The following CARS2 variants were observed in gnomAD, a reference collection of about 807,000 sequenced individuals.
CARS2 encodes probable cysteine--tRNA ligase, mitochondrial.
In CARS2, 52 loss-of-function variants were observed where a neutral mutation model predicts 68.8. The observed-to-expected ratio is 0.76, with a 90% CI of 0.61 to 0.95. The LOEUF (loss-of-function observed/expected upper bound fraction) is 0.95. Among genes scored for constraint, CARS2 ranks in the 40% least tolerant of loss-of-function variants. The pLI is 0.00. For missense variants in CARS2, 780 were observed against 754.2 expected, an observed-to-expected ratio of 1.03 and a Z score of -0.40; for synonymous variants, 314 against 303.6, an observed-to-expected ratio of 1.03 and a Z score of -0.36.
rs116135622 is a variant in CARS2, at chr13:110,675,745, C to T, written c.785+1229G>A. ...CATTTCTACAAATAGGAAACATACG[C>T]GTGGTTATTCACTAAGGAGATCTGT... is the stretch of plus-strand genomic sequence containing the variant. On this transcript the variant is annotated intron_variant, in intron 7 of 14. Coordinates refer to ENST00000257347, the MANE Select transcript of CARS2 (RefSeq NM_024537.4). Among the ~76,000 whole-genome samples the T allele has an allele frequency of 6.2e-3, 943 of 152,172 alleles. 8 individuals carry two copies. The highest frequency in any genetic ancestry group is 0.021 in the African/African-American group (870 of 41,508).
chr13:110,647,940 G>C (rs1056606670), intron 10 of CARS2, among the ~76,000 whole-genome samples: 24 of 152,238 alleles, frequency 1.6e-4, no homozygotes, highest in African/African-American at 5.8e-4. Context: ...CAGGCTGTCT[G>C]AGTCCACAGT....
intron 14 of CARS2, 144 bp from the exon 15 acceptor site, chr13:110,641,752 C>T: frequency 2.8e-6 from 2 of 714,654 alleles, no homozygotes; most frequent in Non-Finnish European, 5.0e-6. Flanking sequence ...AAGGGCCCCA[C>T]TACCTCCAGC....
At chr13:110,666,323 G>A (rs2062646891) in intron 8 of CARS2, 2 of 985,258 alleles carry the variant, frequency 2.0e-6, no homozygotes, top group Non-Finnish European at 2.4e-6. Flanking sequence ...CTAGTGCTGA[G>A]CCCTCCCCAG....
Position 110,653,817 on chromosome 13 carries a change from G to A in CARS2, c.988-2717C>T, listed in dbSNP as rs1441388186. ...CTTCATTACACAGTATTCTGACAAT[G>A]ATGTGAAAACTCTTGAATACTGTGG... On this transcript the variant is annotated intron_variant, in intron 9 of 14. Coordinates refer to ENST00000257347, the MANE Select transcript of CARS2 (RefSeq NM_024537.4). This position sits in a 1 kb window ranked among gnomAD's most constrained non-coding sequence, Gnocchi z 5.6. Among the ~76,000 whole-genome samples the A allele has an allele frequency of 1.3e-5, 2 of 152,242 alleles. No homozygotes were observed. Among genetic ancestry groups the A allele is most frequent in the African/African-American group, 2.4e-5 (1 of 41,466 alleles).
At position 110,647,233 on chromosome 13, in the gene CARS2, T is replaced by G; in HGVS notation, c.1061A>C (p.Asp354Ala). 6 of 1,612,478 alleles carry G rather than the reference T, an allele frequency of 3.7e-6. No individual in the cohort carries two copies. Among genetic ancestry groups the G allele is most frequent in the Non-Finnish European group, 5.1e-6 (6 of 1,179,294 alleles). ...TTGGAGCATGGCGCTGTCACTGTAG[T>G]CGATGGCTGAGGAGGAAGAGATGGT... ...CLRSSYRSAIDYSDSAMLQAQ... is the reference protein window; with the variant it reads ...CLRSSYRSAIAYSDSAMLQAQ... Residue 354 changes from aspartate (D) to alanine (A), a missense_variant, in exon 11 of 15, where the codon GAC (aspartate) becomes GCC (alanine). Coordinates refer to ENST00000257347, the MANE Select transcript of CARS2 (RefSeq NM_024537.4).
rs753691013 is a variant in CARS2 at position 110,653,084 on chromosome 13, C to T, written c.988-1984G>A. ...CGCTCCTCTACTTCAGTATCATCAA[C>T]GGCCTTTGGGATCCTATGTATTTTA... is the stretch of plus-strand genomic sequence containing the variant. On this transcript the variant is annotated intron_variant, in intron 9 of 14. Transcript: ENST00000257347. This position sits in a 1 kb window ranked among gnomAD's most constrained non-coding sequence, Gnocchi z 5.6. Among the ~76,000 whole-genome samples the T allele has an allele frequency of 8.6e-5, 13 of 151,136 alleles. No homozygotes were observed. The highest frequency in any genetic ancestry group is 2.0e-4 in the East Asian group (1 of 5,056).
At chr13:110,649,523 A>C (rs183433213) in intron 10 of CARS2, among the ~76,000 whole-genome samples, 1 of 152,326 alleles carries the variant, frequency 6.6e-6, no homozygotes, top group African/African-American at 2.4e-5. Context: ...TGTGTGACAT[A>C]AAGTGTGCTG....
intron 6 of CARS2, among the ~76,000 whole-genome samples, chr13:110,679,609 G>C (rs1243586408): frequency 7.4e-6 from 1 of 135,706 alleles, no homozygotes; most frequent in African/African-American, 2.7e-5. Context: ...GAGAGAGAGA[G>C]AGAGAGAGAG....
chr13:110,706,241 C>T (rs542979511), upstream of CARS2: 1,517 of 509,010 alleles, frequency 3.0e-3, 32 homozygotes, highest in African/African-American at 0.028. Context: ...GTAGCGCCTC[C>T]CTTTGGCCTG....
chr13:110,713,086 T>A (rs1467440246), intron 1 of CARS2: 11 of 1,440,900 alleles, frequency 7.6e-6, no homozygotes, highest in Non-Finnish European at 1.0e-5. Flanking sequence ...TCCTTCCGCC[T>A]CCCGGAGGAC....
At chr13:110,679,781 T>A (rs796263374) in intron 6 of CARS2, among the ~76,000 whole-genome samples, 1 of 151,952 alleles carries the variant, frequency 6.6e-6, no homozygotes, top group Non-Finnish European at 1.5e-5. Flanking sequence ...CCATATCAGA[T>A]AGACAGCCAC....
At chr13:110,684,625 G>A (rs952645624) in intron 5 of CARS2, among the ~76,000 whole-genome samples, 8 of 150,240 alleles carry the variant, frequency 5.3e-5, no homozygotes, top group South Asian at 4.4e-4. Flanking sequence ...TCCCTGCAGC[G>A]TCCTCTCTGG....
chr13:110,672,531 C>A lies in CARS2; in HGVS notation c.785+4443G>T, dbSNP rs181223778. Among the ~76,000 whole-genome samples the A allele has an allele frequency of 8.5e-5, 13 of 152,266 alleles. No homozygotes were observed. The East Asian group carries it at 2.5e-3, about 29-fold the overall frequency. ...TTTGAAACCAATAAGAACAAAGACA[C>A]AACATACCAGAATCTCTGGGACACA... On this transcript the variant is annotated intron_variant, in intron 7 of 14. Transcript: ENST00000257347.
chr13:110,710,386 A>C (rs1474004585), upstream of CARS2, among the ~76,000 whole-genome samples: 2 of 152,228 alleles, frequency 1.3e-5, no homozygotes, highest in African/African-American at 4.8e-5. Context: ...CCGTCTCAAA[A>C]AAAGAAAAAG....
upstream of CARS2, chr13:110,706,170 G>GGCCCC (rs28364706): frequency 6.7e-4 from 725 of 1,077,482 alleles, 8 homozygotes; most frequent in East Asian, 0.024. Context: ...AGAGCAGCAC[G>GGCCCC]GCCCCGCCCC....
intron 13 of CARS2, chr13:110,644,026 A>C: frequency 9.0e-7 from 1 of 1,112,276 alleles, no homozygotes; most frequent in Non-Finnish European, 1.2e-6. Flanking sequence ...CAGGTCGCCA[A>C]CTTGCCCTCA....
intron 9 of CARS2, among the ~76,000 whole-genome samples, chr13:110,657,617 TTTTC>T (rs1594263877): frequency 6.6e-6 from 1 of 152,164 alleles, no homozygotes; most frequent in African/African-American, 2.4e-5. Flanking sequence ...ACAAAAACAC[TTTTC>T]TTTAAGAAGA....
At chr13:110,691,040 A>G (rs567500759) in intron 3 of CARS2, among the ~76,000 whole-genome samples, 3 of 151,924 alleles carry the variant, frequency 2.0e-5, no homozygotes, top group Admixed American at 6.6e-5. Context: ...TTTGAGACAG[A>G]GTTTTGTTCT....
At chr13:110,679,334 A>G (rs2063068753) in intron 6 of CARS2, among the ~76,000 whole-genome samples, 1 of 151,950 alleles carries the variant, frequency 6.6e-6, no homozygotes, top group Non-Finnish European at 1.5e-5. Context: ...GTTCGAGACC[A>G]GCCTGACCAA....
Sources: allele counts gnomAD v4.1 joint callset (sites outside exome capture counted in the v4.1 genomes callset), GRCh38; gene constraint gnomAD v4.1.1; non-coding constraint Gnocchi (gnomAD v3.1); transcripts MANE v1.5; gene names NCBI Gene and HGNC (gene_info 2026-07-23, HGNC 2026-07-21).